The following FBXO22 variants were observed in gnomAD, a reference collection of about 807,000 sequenced individuals.
FBXO22 encodes the protein F-box protein 22.
A neutral mutation model predicts 37.2 loss-of-function variants in FBXO22; 13 were observed. The observed-to-expected ratio is 0.35, with a 90% CI of 0.23 to 0.56. The LOEUF (loss-of-function observed/expected upper bound fraction) is 0.56, where lower values mean the gene tolerates loss of function less well. FBXO22 is among the 20% of genes least tolerant of loss of function. FBXO22 has a pLI of 0.87. For synonymous variants in FBXO22, 189 were observed against 189.1 expected (o/e 1.00, Z 0.00); for missense variants, 446 against 509.9 (o/e 0.87, Z 1.21).
In FBXO22 at chr15:75,934,423, T is replaced by C. The variant is rs141471437; in HGVS notation, c.*1321T>C. 1 of 152,370 alleles carries C rather than the reference T, an allele frequency of 6.6e-6. No homozygotes were observed. The highest frequency in any genetic ancestry group is 1.5e-5 in the Non-Finnish European group (1 of 68,024). The allele number at this position is 152,370 out of a possible 1,614,324, so 9.4% of individuals were successfully genotyped here. A position where few individuals can be genotyped will look rare whatever the true frequency, so the allele number is the denominator to read the frequency against. ...ATCTAATACAGTATGATGTAACTAATGTTACTTTTGTAACAGTCAGTGGTT... is the reference window on the plus strand; with the variant it reads ...ATCTAATACAGTATGATGTAACTAACGTTACTTTTGTAACAGTCAGTGGTT... On this transcript the variant is annotated 3_prime_UTR_variant, in exon 7 of 7. Coordinates refer to ENST00000308275, the MANE Select transcript of FBXO22 (RefSeq NM_147188.3).
At position 75,937,668 on chromosome 15, in the gene FBXO22, C is replaced by T. The variant is rs2030510823; in HGVS notation, c.*4566C>T. Reference sequence around the variant, plus strand: ...TAGTGGCTCTTGCCCGAGCCTCTCCCTACATTGTGGCAGTCTTAAAGCAGC... The same window carrying T: ...TAGTGGCTCTTGCCCGAGCCTCTCCTTACATTGTGGCAGTCTTAAAGCAGC... On this transcript the variant is annotated 3_prime_UTR_variant, in exon 7 of 7. Coordinates refer to ENST00000308275, the MANE Select transcript of FBXO22 (RefSeq NM_147188.3). 6.6e-6 allele frequency: 1 copy of T among 152,218 alleles called. No homozygotes were observed. Among genetic ancestry groups the T allele is most frequent in the African/African-American group, 2.4e-5 (1 of 41,458 alleles). 9.4% of individuals were successfully genotyped at this position (152,218 alleles called of 1,614,324 possible).
intron 2 of FBXO22, among the ~76,000 whole-genome samples, chr15:75,905,998 A>G (rs185324971): frequency 5.9e-5 from 9 of 152,136 alleles, no homozygotes; most frequent in Non-Finnish European, 1.3e-4. Flanking sequence ...GTTTCAATTC[A>G]TTTATTTATT....
chr15:75,910,474 A>G (rs1373686598), intron 2 of FBXO22: 1 of 152,168 alleles, frequency 6.6e-6, no homozygotes, highest in Non-Finnish European at 1.5e-5. Context: ...CTGGCATGAG[A>G]TGGTATCTCA....
intron 4 of FBXO22, among the ~76,000 whole-genome samples, chr15:75,915,860 A>G (rs2141711077): frequency 6.6e-6 from 1 of 150,792 alleles, no homozygotes; most frequent in East Asian, 2.0e-4. Context: ...AGATCACGCC[A>G]TTGCACTCCA....
intron 4 of FBXO22, among the ~76,000 whole-genome samples, chr15:75,916,835 A>G (rs987267922): frequency 3.8e-5 from 5 of 131,264 alleles, no homozygotes; most frequent in African/African-American, 1.4e-4. Flanking sequence ...TATACTTTAT[A>G]TAATTGTCAA....
chr15:75,930,498 T>C (rs918868629), intron 6 of FBXO22: 1 of 983,858 alleles, frequency 1.0e-6, no homozygotes, highest in Non-Finnish European at 1.2e-6. Context: ...CCAAATGTGT[T>C]TGGTCACAAA....
intron 4 of FBXO22, among the ~76,000 whole-genome samples, chr15:75,916,818 GTA>G (rs1031256693): frequency 2.0e-5 from 3 of 149,582 alleles, no homozygotes; most frequent in Non-Finnish European, 4.4e-5. Flanking sequence ...AAATACTTGG[GTA>G]TATATATACT....
chr15:75,904,247 C>T, intron 1 of FBXO22, 144 bp downstream of exon 1: 5 of 1,232,824 alleles, frequency 4.1e-6, no homozygotes, highest in Non-Finnish European at 5.5e-6. Flanking sequence ...ACCCCCTACC[C>T]GCGAGGTATC....
Position 75,917,316 on chromosome 15 carries a change from G to A in FBXO22, c.550G>A (p.Gly184Arg), listed in dbSNP as rs1313887297. 1 of 1,608,816 alleles carries A rather than the reference G, an allele frequency of 6.2e-7. No homozygotes were observed. Among genetic ancestry groups the A allele is most frequent in the Non-Finnish European group, 8.5e-7 (1 of 1,176,220 alleles). ...TGCTTTATTATTCCCTCAAATTGAA[G>A]GAATAAAAATACAACCCTTTCATTT... ...GFALLFPQIE[G>R]IKIQPFHFIK... The change falls in exon 5 of 7, where the codon GGA becomes AGA. Residue 184 changes from glycine to arginine, a missense_variant. Physicochemically the swap from Gly to Arg is moderately radical, Grantham distance 125. This residue lies in a region of FBXO22 where 315 missense variants were observed against 410.1 expected (regional missense o/e 0.77). Coordinates refer to ENST00000308275, the MANE Select transcript of FBXO22 (RefSeq NM_147188.3).
rs1186102388 is a variant in FBXO22, at chr15:75,935,393, T to C, written c.*2291T>C. On this transcript the variant is annotated 3_prime_UTR_variant, in exon 7 of 7. Coordinates refer to ENST00000308275, the MANE Select transcript of FBXO22 (RefSeq NM_147188.3). Reference sequence around the variant, plus strand: ...ATTAGCCTACATACTGAGCTGACGATCAGATCATAGAATACTTTATTTAAT... The same window carrying C: ...ATTAGCCTACATACTGAGCTGACGACCAGATCATAGAATACTTTATTTAAT... The C allele has an allele frequency of 6.6e-6, 1 of 152,122 alleles. No homozygotes were observed. Among genetic ancestry groups the C allele is most frequent in the Admixed American group, 6.5e-5 (1 of 15,272 alleles). The allele number at this position is 152,122 out of a possible 1,614,324, so 9.4% of individuals were successfully genotyped here. A position where few individuals can be genotyped will look rare whatever the true frequency, so the allele number is the denominator to read the frequency against.
intron 6 of FBXO22, among the ~76,000 whole-genome samples, chr15:75,931,256 A>G (rs886447655): frequency 2.6e-5 from 4 of 152,102 alleles, no homozygotes; most frequent in African/African-American, 9.7e-5. Context: ...TCTACTTTTT[A>G]TACCTAATAA....
chr15:75,913,600 T>G (rs1026352440), intron 3 of FBXO22, among the ~76,000 whole-genome samples: 2 of 152,338 alleles, frequency 1.3e-5, no homozygotes, highest in African/African-American at 4.8e-5. Context: ...TCAGGCCTTT[T>G]ACTGTATTGG....
At chr15:75,926,116 T>A (rs1900434369) in intron 5 of FBXO22, among the ~76,000 whole-genome samples, 1 of 152,244 alleles carries the variant, frequency 6.6e-6, no homozygotes, top group Admixed American at 6.5e-5. Context: ...TTTTCTGGAA[T>A]TGTTTTTAAT....
chr15:75,904,702 A>G, intron 2 of FBXO22, 73 bp downstream of exon 2: 1 of 1,434,008 alleles, frequency 7.0e-7, no homozygotes, highest in South Asian at 1.4e-5. Context: ...ATTTTTTTTT[A>G]AATCCCAGTT....
At chr15:75,919,224 G>A (rs1053037971) in intron 5 of FBXO22, among the ~76,000 whole-genome samples, 40 of 152,074 alleles carry the variant, frequency 2.6e-4, no homozygotes, top group African/African-American at 8.2e-4. Context: ...CACCTGCCTC[G>A]GCCTCCCAAA....
chr15:75,904,133 T>G (rs1432042463), intron 1 of FBXO22, 30 bp downstream of exon 1: 5 of 1,519,764 alleles, frequency 3.3e-6, no homozygotes, highest in Non-Finnish European at 3.5e-6. Flanking sequence ...GCGGGAAGCT[T>G]GCCTGGGGAC....
chr15:75,909,979 A>G lies in FBXO22; in HGVS notation c.280-3224A>G, dbSNP rs1291168462. Among the ~76,000 whole-genome samples the G allele has an allele frequency of 2.6e-5, 4 of 151,904 alleles. No individual in the cohort carries two copies. In the East Asian group the frequency reaches 7.7e-4, roughly 29 times the overall value. ...CCCTTCCCTGTGTCCATGTGTTTTC[A>G]TTGTTCAACTCCCACTTATGAATGA... On this transcript the variant is annotated intron_variant, in intron 2 of 6. Coordinates refer to ENST00000308275, the MANE Select transcript of FBXO22 (RefSeq NM_147188.3).
chr15:75,910,660 TTAGCC>T (rs1281576361), intron 2 of FBXO22, among the ~76,000 whole-genome samples: 1 of 152,238 alleles, frequency 6.6e-6, no homozygotes, highest in Non-Finnish European at 1.5e-5. Flanking sequence ...ATTCTGGATA[TTAGCC>T]CTTTGTCAGA....
chr15:75,913,070 T>C (rs1446588034), intron 2 of FBXO22, 133 bp from the exon 3 acceptor site: 6 of 534,554 alleles, frequency 1.1e-5, no homozygotes, highest in Non-Finnish European at 1.7e-5. Flanking sequence ...TGTAGTTGTG[T>C]GGTTTTGAGT....
Sources: allele counts gnomAD v4.1 joint callset (sites outside exome capture counted in the v4.1 genomes callset), GRCh38; gene constraint gnomAD v4.1.1; regional missense constraint gnomAD v4.1.1; transcripts MANE v1.5; gene names NCBI Gene and HGNC (gene_info 2026-07-23, HGNC 2026-07-21).